Variants in ABLIM2 observed in about 807,000 individuals in gnomAD.
The protein encoded by ABLIM2 is actin binding LIM protein family member 2, also known as actin-binding LIM protein 2.
ABLIM2 carries 53 observed loss-of-function variants against 97.7 expected under a neutral mutation model. The ratio of observed to expected loss-of-function variants is 0.54; its 90% CI spans 0.44 to 0.68. ABLIM2 has a LOEUF of 0.68. Ranked by LOEUF, ABLIM2 falls within the 30% of genes least tolerant of loss-of-function variation. The probability of loss-of-function intolerance (pLI) is 0.00; values close to 1 mark genes in which losing one functional copy is unlikely to be tolerated. For missense variants in ABLIM2, 835 were observed against 867.2 expected (o/e 0.96, Z 0.47); for synonymous variants, 361 against 345.8 (o/e 1.04, Z -0.49).
rs956889859 is a variant in ABLIM2, at chr4:8,113,780, G to C, written c.11-7143C>G. ...GTTCTAATAATATTCAGTTTTCTAA[G>C]CCTACACACGCACACATGAACTCCA... On this transcript the variant is annotated intron_variant, in intron 1 of 20. Transcript: ENST00000447017. This position sits in a 1 kb window ranked among gnomAD's most constrained non-coding sequence, Gnocchi z 4.5. Among the ~76,000 whole-genome samples the C allele has an allele frequency of 6.6e-6, 1 of 152,214 alleles. No individual in the cohort carries two copies. The highest frequency in any genetic ancestry group is 2.4e-5 in the African/African-American group (1 of 41,470).
At chr4:8,045,843 C>T (rs1027607749) in intron 8 of ABLIM2, among the ~76,000 whole-genome samples, 1 of 152,076 alleles carries the variant, frequency 6.6e-6, no homozygotes, top group Admixed American at 6.5e-5. Context: ...CATTTTCCAC[C>T]GGGATTATGG....
intron 1 of ABLIM2, among the ~76,000 whole-genome samples, chr4:8,119,391 G>T (rs1844288396): frequency 7.1e-6 from 1 of 140,422 alleles, no homozygotes. Flanking sequence ...GCAGTGGCAT[G>T]ATCTTGGCTC....
chr4:8,041,729 C>T lies in ABLIM2; in HGVS notation c.900+3435G>A, dbSNP rs957276070. 5.3e-5 allele frequency among the ~76,000 whole-genome samples: 8 copies of T among 152,122 alleles called. No individual in the cohort carries two copies. The East Asian group carries it at 1.5e-3, about 29-fold the overall frequency. ...CATCCTGGCTAACACGGTGAAACCC[C>T]GTCTCTATTAAAAATACAAAAAAAA... On this transcript the variant is annotated intron_variant, in intron 9 of 20. Transcript: ENST00000447017.
intron 18 of ABLIM2, 74 bp from the exon 19 acceptor site, chr4:7,983,628 C>T: frequency 1.9e-6 from 3 of 1,570,136 alleles, no homozygotes; most frequent in African/African-American, 1.3e-5. Flanking sequence ...GAGTGCAATC[C>T]CTGCCCTGGG....
chr4:8,051,513 C>T (rs1042178612), intron 8 of ABLIM2, among the ~76,000 whole-genome samples: 10 of 148,238 alleles, frequency 6.7e-5, no homozygotes, highest in African/African-American at 2.0e-4. Flanking sequence ...GCTGAGATCA[C>T]GCCACTGGCC....
Position 8,068,563 on chromosome 4 carries a change from C to G in ABLIM2, c.676-7509G>C, listed in dbSNP as rs929328739. ...GTCTTTGGGCTTCTGGAGAATGGAT[C>G]AGCCCTCTCTGCCATGAGCCCCTCA... is the stretch of plus-strand genomic sequence containing the variant. On this transcript the variant is annotated intron_variant, in intron 6 of 20. Coordinates refer to ENST00000447017, the MANE Select transcript of ABLIM2 (RefSeq NM_001130083.2). This position sits in a 1 kb window ranked among gnomAD's most constrained non-coding sequence, Gnocchi z 4.5. Among the ~76,000 whole-genome samples the G allele has an allele frequency of 3.2e-4, 49 of 152,256 alleles. No homozygotes were observed. The highest frequency in any genetic ancestry group is 1.6e-4 in the Non-Finnish European group (11 of 68,046).
chr4:8,131,444 C>T (rs1030831878), intron 1 of ABLIM2, among the ~76,000 whole-genome samples: 1 of 152,194 alleles, frequency 6.6e-6, no homozygotes, highest in African/African-American at 2.4e-5. Context: ...TCTGCAGCTG[C>T]ATCCTGCCAG....
At chr4:8,084,589 C>T (rs1320753640) in intron 4 of ABLIM2, among the ~76,000 whole-genome samples, 1 of 150,946 alleles carries the variant, frequency 6.6e-6, no homozygotes, top group African/African-American at 2.4e-5. Context: ...CTTAGAACTG[C>T]ATACATCCCT....
intron 1 of ABLIM2, among the ~76,000 whole-genome samples, chr4:8,129,059 C>A (rs1002724253): frequency 3.9e-5 from 6 of 151,966 alleles, no homozygotes; most frequent in Non-Finnish European, 8.8e-5. Flanking sequence ...GCTGCCAGCA[C>A]CCCCATAGGT....
intron 1 of ABLIM2, among the ~76,000 whole-genome samples, chr4:8,133,070 G>T (rs536885762): frequency 6.6e-6 from 1 of 152,102 alleles, no homozygotes; most frequent in African/African-American, 2.4e-5. Context: ...GCCTCTTCCC[G>T]CTTCTGCTGG....
At chr4:7,984,090 C>T (rs1197501902) in intron 18 of ABLIM2, among the ~76,000 whole-genome samples, 2 of 151,298 alleles carry the variant, frequency 1.3e-5, no homozygotes, top group Admixed American at 6.6e-5. Context: ...TAGTGTGGAT[C>T]GTAGGGCCTC....
chr4:8,122,654 G>A lies in ABLIM2; in HGVS notation c.11-16017C>T, dbSNP rs1367412059. On this transcript the variant is annotated intron_variant, in intron 1 of 20. Coordinates refer to ENST00000447017, the MANE Select transcript of ABLIM2 (RefSeq NM_001130083.2). This position sits in a 1 kb window ranked among gnomAD's most constrained non-coding sequence, Gnocchi z 4.1. The stretch of plus-strand genomic sequence containing the variant: ...TTTGGGCTTCCAAGTGTGAATGCTA[G>A]GGGAACATGAACATTCACTTCTTAA... Among the ~76,000 whole-genome samples the A allele has an allele frequency of 6.6e-6, 1 of 152,164 alleles. No individual in the cohort carries two copies. Among genetic ancestry groups the A allele is most frequent in the Non-Finnish European group, 1.5e-5 (1 of 68,012 alleles).
chr4:8,040,399 C>T (rs1490609022), intron 9 of ABLIM2, among the ~76,000 whole-genome samples: 2 of 151,958 alleles, frequency 1.3e-5, no homozygotes, highest in African/African-American at 2.4e-5. Flanking sequence ...TCACCTGAGG[C>T]CAGGAGTTTG....
Position 8,043,098 on chromosome 4 carries a change from G to C in ABLIM2, c.900+2066C>G, listed in dbSNP as rs1789824896. On this transcript the variant is annotated intron_variant, in intron 9 of 20. Coordinates refer to ENST00000447017, the MANE Select transcript of ABLIM2 (RefSeq NM_001130083.2). The surrounding 1 kb of genome is among the most constrained non-coding windows in gnomAD (Gnocchi z 4.8). ...CCCGGGGAGGTTGAGGCTGCCATGA[G>C]CCATGATCTCACCACTGCACTCCAG... Among the ~76,000 whole-genome samples, 1 of 152,160 alleles carries C rather than the reference G, an allele frequency of 6.6e-6. No homozygotes were observed. Among genetic ancestry groups the C allele is most frequent in the South Asian group, 2.1e-4 (1 of 4,826 alleles).
chr4:8,097,311 G>A, intron 2 of ABLIM2, 29 bp from the exon 3 acceptor site: 1 of 1,549,404 alleles, frequency 6.5e-7, no homozygotes, highest in Non-Finnish European at 8.7e-7. Flanking sequence ...GGTGGCGTTA[G>A]CGGCAGAGGG....
chr4:8,135,324 G>A (rs573845095), intron 1 of ABLIM2, among the ~76,000 whole-genome samples: 3 of 152,328 alleles, frequency 2.0e-5, no homozygotes, highest in East Asian at 3.9e-4. Flanking sequence ...TTGCACAGGC[G>A]ATGTTTTGCT....
intron 1 of ABLIM2, among the ~76,000 whole-genome samples, chr4:8,137,446 C>T (rs2152939717): frequency 6.6e-6 from 1 of 152,302 alleles, no homozygotes; most frequent in African/African-American, 2.4e-5. Flanking sequence ...GGGCAGGCCT[C>T]TGGTGGATTT....
At chr4:8,045,405 C>G (rs1791660488) in intron 8 of ABLIM2, among the ~76,000 whole-genome samples, 164 bp from the exon 9 acceptor site, 1 of 152,192 alleles carries the variant, frequency 6.6e-6, no homozygotes, top group Non-Finnish European at 1.5e-5. Flanking sequence ...AATCCCAGCA[C>G]TTTGGGAGGC....
At chr4:8,038,283 T>C (rs892273171) in intron 9 of ABLIM2, among the ~76,000 whole-genome samples, 1 of 152,210 alleles carries the variant, frequency 6.6e-6, no homozygotes, top group Non-Finnish European at 1.5e-5. Flanking sequence ...GGGCAGCACA[T>C]GACCCTGGCT....
Sources: gnomAD v4.1 joint callset for allele counts (sites outside exome capture counted in the v4.1 genomes callset) on GRCh38, gnomAD v4.1.1 for gene constraint, Gnocchi (gnomAD v3.1) non-coding constraint, MANE v1.5 for transcripts, NCBI Gene and HGNC (gene_info 2026-07-23, HGNC 2026-07-21) for gene names.